Variants in FGD2 observed in about 807,000 individuals in gnomAD.
FGD2 encodes FYVE, RhoGEF and PH domain containing 2.
FGD2 carries 52 observed loss-of-function variants against 75.9 expected under a neutral mutation model. The observed-to-expected ratio is 0.69, with a 90% CI of 0.55 to 0.86. The LOEUF (loss-of-function observed/expected upper bound fraction) is 0.86. Ranked by LOEUF, FGD2 falls within the 40% of genes least tolerant of loss-of-function variation. FGD2 has a pLI of 0.00. For synonymous variants in FGD2, 347 were observed against 348.6 expected (o/e 1.00, Z 0.05); for missense variants, 790 against 872.0 (o/e 0.91, Z 1.18).
chr6:37,027,581 G>C lies in FGD2; in HGVS notation c.1752+6G>C, dbSNP rs775924446. 1 of 1,613,766 alleles carries C rather than the reference G, an allele frequency of 6.2e-7. No homozygotes were observed. Among genetic ancestry groups the C allele is most frequent in the African/African-American group, 1.3e-5 (1 of 75,044 alleles). ...ATGTCTATGCTGCCCCTCAGGTAAG[G>C]CCACCACCTGCCCGCCCCCCGTCAG... is the stretch of plus-strand genomic sequence containing the variant. On this transcript the variant is annotated splice_donor_region_variant and intron_variant, in intron 15 of 15. Coordinates refer to ENST00000274963, the MANE Select transcript of FGD2 (RefSeq NM_173558.4).
At chr6:37,024,378 C>A (rs948742569) in intron 13 of FGD2, 3 of 152,240 alleles carry the variant, frequency 2.0e-5, no homozygotes, top group Admixed American at 6.5e-5. Context: ...CAATAAATTT[C>A]CTGAGCGTGA....
chr6:37,026,029 G>C (rs981938997), intron 14 of FGD2, 91 bp downstream of exon 14: 20 of 1,528,266 alleles, frequency 1.3e-5, no homozygotes, highest in Middle Eastern at 1.9e-4. Context: ...GTCCAGTGCT[G>C]AGGAACAAGC....
intron 14 of FGD2, among the ~76,000 whole-genome samples, chr6:37,026,644 G>A (rs1184120405): frequency 7.2e-5 from 11 of 152,132 alleles, no homozygotes; most frequent in Non-Finnish European, 1.3e-4. Flanking sequence ...ACATCCCACC[G>A]TCCCTGGGAG....
Position 37,028,292 on chromosome 6 carries a change from C to A in FGD2, c.*129C>A. On this transcript the variant is annotated 3_prime_UTR_variant, in exon 16 of 16. Transcript: ENST00000274963. Reference sequence around the variant, plus strand: ...TTCAGAGAATTGATTCAGCCATCTGCGCCCAGGCCACGTGTCCCGATCTGG... The same window carrying A: ...TTCAGAGAATTGATTCAGCCATCTGAGCCCAGGCCACGTGTCCCGATCTGG... 1.1e-6 allele frequency: 1 copy of A among 912,110 alleles called. No homozygotes were observed. Among genetic ancestry groups the A allele is most frequent in the Non-Finnish European group, 1.6e-6 (1 of 626,924 alleles). The allele number at this position is 912,110 out of a possible 1,614,324, so 56.5% of individuals were successfully genotyped here.
intron 1 of FGD2, among the ~76,000 whole-genome samples, chr6:37,006,109 GT>G (rs1373497238): frequency 6.6e-6 from 1 of 152,254 alleles, no homozygotes; most frequent in East Asian, 1.9e-4. Context: ...CCAGACAGGT[GT>G]GGTTACGAGC....
Position 37,025,777 on chromosome 6 carries a change from A to T in FGD2, c.1459-15A>T. On this transcript the variant is annotated splice_polypyrimidine_tract_variant and intron_variant, in intron 13 of 15. Transcript: ENST00000274963. ...CCTGGTCTCAGCCCCATGCCCCCTT[A>T]TGTGTCCTCCTCAGGTGGTGTGTGC... 1.2e-6 allele frequency: 2 copies of T among 1,613,876 alleles called. No individual in the cohort carries two copies. The highest frequency in any genetic ancestry group is 1.7e-6 in the Non-Finnish European group (2 of 1,179,942).
At chr6:37,024,127 G>A (rs2150783255) in intron 13 of FGD2, 1 of 152,242 alleles carries the variant, frequency 6.6e-6, no homozygotes, top group Non-Finnish European at 1.5e-5. Flanking sequence ...GATCACCTGA[G>A]GCCAGGAGTT....
Position 37,028,005 on chromosome 6 carries a change from C to T in FGD2, c.1810C>T (p.Gln604Ter). Reference sequence around the variant, plus strand: ...GGGCTACCAGGTGACTGTTGGGCCCCAGGGGGACCCTCGGGTCTTCCAGCT... The same window carrying T: ...GGGCTACCAGGTGACTGTTGGGCCCTAGGGGGACCCTCGGGTCTTCCAGCT... ...LLGYQVTVGP[Q>*]GDPRVFQLQQ... is the part of the protein sequence containing the mutation. The change falls in exon 16 of 16, where the codon CAG (glutamine) becomes TAG (stop). Residue 604 changes from glutamine to a stop codon, truncating the protein, a stop_gained. Transcript: ENST00000274963. LOFTEE classifies it low-confidence loss of function (END_TRUNC). 6.2e-7 allele frequency: 1 copy of T among 1,614,086 alleles called. No homozygotes were observed. Among genetic ancestry groups the T allele is most frequent in the Non-Finnish European group, 8.5e-7 (1 of 1,180,032 alleles).
In FGD2 at chr6:37,027,490, A is replaced by T; in HGVS notation, c.1667A>T (p.Asp556Val). 6 of 1,613,984 alleles carry T rather than the reference A, an allele frequency of 3.7e-6. No homozygotes were observed. Among genetic ancestry groups the T allele is most frequent in the Non-Finnish European group, 5.1e-6 (6 of 1,179,922 alleles). ...TGCAGCTTCCTGCAGCTCATCGGGG[A>T]CAAGTGGGGCAAGAGCGGCCCCCGG... ...LMCSFLQLIG[D>V]KWGKSGPRGW... Residue 556 changes from aspartate (D) to valine (V), a missense_variant, in exon 15 of 16, where the codon GAC becomes GTC. Coordinates refer to ENST00000274963, the MANE Select transcript of FGD2 (RefSeq NM_173558.4).
At chr6:37,012,015 T>G in intron 4 of FGD2, 161 bp downstream of exon 4, 1 of 726,824 alleles carries the variant, frequency 1.4e-6, no homozygotes, top group Non-Finnish European at 2.2e-6. Context: ...AGGGCTTGGG[T>G]GAATGAGCTC....
chr6:37,019,853 TTC>T (rs1765484912), intron 9 of FGD2, among the ~76,000 whole-genome samples: 1 of 95,318 alleles, frequency 1.0e-5, no homozygotes, highest in Admixed American at 1.2e-4. Context: ...TTCTTTTCTT[TTC>T]TTTTTTTTTT....
At chr6:37,018,812 A>C (rs1332449603) in intron 9 of FGD2, among the ~76,000 whole-genome samples, 2 of 152,250 alleles carry the variant, frequency 1.3e-5, no homozygotes, top group Non-Finnish European at 2.9e-5. Context: ...GTATTATGCC[A>C]GTTTGCCAAC....
chr6:37,014,542 G>A (rs1270463662), intron 6 of FGD2, 104 bp from the exon 7 acceptor site: 6 of 1,346,128 alleles, frequency 4.5e-6, no homozygotes, highest in Non-Finnish European at 6.1e-6. Flanking sequence ...CCTGGGGGCT[G>A]TCATGGCAGG....
chr6:37,014,917 T>G lies in FGD2; in HGVS notation c.908T>G (p.Val303Gly), dbSNP rs759374023. The G allele has an allele frequency of 1.2e-6, 2 of 1,613,606 alleles. No homozygotes were observed. Among genetic ancestry groups the G allele is most frequent in the East Asian group, 2.2e-5 (1 of 44,858 alleles). Residue 303 changes from valine to glycine, a missense_variant, in exon 8 of 16, where the codon GTG becomes GGG. Transcript: ENST00000274963. The stretch of plus-strand genomic sequence containing the variant: ...GAGCGGCTGCAGGACCTGTGGGAGG[T>G]GTACCAGCGCCTGGGCCTCGAGGAC... ...EMERLQDLWE[V>G]YQRLGLEDDI...
chr6:37,011,207 G>C, intron 3 of FGD2, 157 bp downstream of exon 3: 1 of 688,388 alleles, frequency 1.5e-6, no homozygotes, highest in African/African-American at 1.8e-5. Flanking sequence ...CTGGGGTTGG[G>C]GTAGAATCAG....
chr6:37,025,824 C>G lies in FGD2; in HGVS notation c.1491C>G (p.Ala497=). The part of the protein sequence containing the change: ...VVCARCSDYR[A]ELKYDDNRPN... ...GTGCCAGGTGCTCCGACTACCGGGC[C>G]GAACTGAAATACGACGACAACAGGC... Residue 497 remains alanine, a synonymous_variant, in exon 14 of 16, where the codon GCC becomes GCG. Transcript: ENST00000274963. 6.2e-7 allele frequency: 1 copy of G among 1,614,156 alleles called. No individual in the cohort carries two copies. The highest frequency in any genetic ancestry group is 8.5e-7 in the Non-Finnish European group (1 of 1,180,028).
chr6:37,014,212 C>T, intron 6 of FGD2, 112 bp downstream of exon 6: 1 of 1,267,110 alleles, frequency 7.9e-7, no homozygotes, highest in Non-Finnish European at 1.1e-6. Context: ...CAACATCAAC[C>T]ACTGGCACTT....
Position 37,013,977 on chromosome 6 carries a change from G to C in FGD2, c.700G>C (p.Gly234Arg), listed in dbSNP as rs754666163. Residue 234 changes from glycine to arginine, a missense_variant, in exon 6 of 16, where the codon GGC becomes CGC. Gly to Arg is a moderately radical substitution (Grantham distance 125). Coordinates refer to ENST00000274963, the MANE Select transcript of FGD2 (RefSeq NM_173558.4). ...CCTCCCCAAGAGCAGCGAGGCTTCGGGCAGCCTGACCCTGCAGCACCACAT... is the reference window on the plus strand; with the variant it reads ...CCTCCCCAAGAGCAGCGAGGCTTCGCGCAGCCTGACCCTGCAGCACCACAT... ...LTRIQSSEAS[G>R]SLTLQHHMLE... The C allele has an allele frequency of 6.2e-7, 1 of 1,613,778 alleles. No homozygotes were observed. The highest frequency in any genetic ancestry group is 1.7e-4 in the Middle Eastern group (1 of 6,042).
At chr6:37,025,969 C>T (rs749235051) in intron 14 of FGD2, 31 bp downstream of exon 14, 13 of 1,611,500 alleles carry the variant, frequency 8.1e-6, no homozygotes, top group East Asian at 2.2e-5. Flanking sequence ...GCTCACCATC[C>T]GTCCTCTGTT....
Sources: gnomAD v4.1 joint callset for allele counts (sites outside exome capture counted in the v4.1 genomes callset) on GRCh38, gnomAD v4.1.1 for gene constraint, MANE v1.5 for transcripts, NCBI Gene and HGNC (gene_info 2026-07-23, HGNC 2026-07-21) for gene names.